PCDHGA1: variants seen among roughly 807,000 people sequenced by gnomAD.
PCDHGA1 encodes the protein protocadherin gamma-A1.
PCDHGA1 carries 32 observed loss-of-function variants against 58.0 expected under a neutral mutation model. The observed-to-expected ratio is 0.55, with a 90% CI of 0.42 to 0.74. The LOEUF (loss-of-function observed/expected upper bound fraction) is 0.74. PCDHGA1 is among the 30% of genes least tolerant of loss of function. The probability of loss-of-function intolerance (pLI) is 0.00; values close to 1 mark genes in which losing one functional copy is unlikely to be tolerated. For missense variants in PCDHGA1, 1,205 were observed against 1,182.3 expected (o/e 1.02, Z -0.28); for synonymous variants, 498 against 501.1 (o/e 0.99, Z 0.08).
chr5:141,387,132 C>T lies in PCDHGA1; in HGVS notation c.2421+54027C>T, dbSNP rs180939160. Among the ~76,000 whole-genome samples, 392 of 152,234 alleles carry T rather than the reference C, an allele frequency of 2.6e-3. 2 individuals carry two copies. The highest frequency in any genetic ancestry group is 9.3e-3 in the African/African-American group (386 of 41,528). ...TATTCCTGTAATGAAATCACTGAAA[C>T]TATTGGGAAGGGGGTGTATTTGAAG... On this transcript the variant is annotated intron_variant, in intron 1 of 3. Coordinates refer to ENST00000517417, the MANE Select transcript of PCDHGA1 (RefSeq NM_018912.3).
rs1216840918 is a variant in PCDHGA1, at chr5:141,476,285, G to C, written c.2422-18522G>C. The C allele has an allele frequency of 1.2e-6, 2 of 1,614,036 alleles. No individual in the cohort carries two copies. The highest frequency in any genetic ancestry group is 1.7e-6 in the Non-Finnish European group (2 of 1,180,032). ...CAACGTGGTCGCGAACCTTGGTTTG[G>C]ATCTCGGTAGCCTCTCAGCCCGCAG... On this transcript the variant is annotated intron_variant, in intron 1 of 3. Coordinates refer to ENST00000517417, the MANE Select transcript of PCDHGA1 (RefSeq NM_018912.3). This position sits in a 1 kb window ranked among gnomAD's most constrained non-coding sequence, Gnocchi z 7.6.
Position 141,404,436 on chromosome 5 carries a change from C to T in PCDHGA1, c.2421+71331C>T. On this transcript the variant is annotated intron_variant, in intron 1 of 3. Transcript: ENST00000517417. Reference sequence around the variant, plus strand: ...GTTATTTACTCCTTGGCAGAGGATACCATCCAAGGGTCTCCTCTCTCCACC... The same window carrying T: ...GTTATTTACTCCTTGGCAGAGGATATCATCCAAGGGTCTCCTCTCTCCACC... 1.9e-6 allele frequency: 3 copies of T among 1,612,706 alleles called. No individual in the cohort carries two copies. In the East Asian group the frequency reaches 6.7e-5, roughly 36 times the overall value.
intron 1 of PCDHGA1, among the ~76,000 whole-genome samples, chr5:141,484,138 G>A (rs184277779): frequency 6.6e-6 from 1 of 152,244 alleles, no homozygotes; most frequent in Admixed American, 6.5e-5. Context: ...TCAGATAAAG[G>A]GAATTTGTAG....
At chr5:141,478,804 G>C (rs765938054) in intron 1 of PCDHGA1, 48 of 1,462,396 alleles carry the variant, frequency 3.3e-5, no homozygotes, top group Non-Finnish European at 4.1e-5. Context: ...GCACTCTTTT[G>C]CTATCACAAC....
chr5:141,357,058 G>T (rs1167854077), intron 1 of PCDHGA1: 3 of 1,613,880 alleles, frequency 1.9e-6, no homozygotes, highest in South Asian at 2.2e-5. Context: ...ATTTGCAGTG[G>T]GGCTGCACAC....
chr5:141,483,814 C>A (rs1262593892), intron 1 of PCDHGA1, among the ~76,000 whole-genome samples: 4 of 151,994 alleles, frequency 2.6e-5, no homozygotes, highest in African/African-American at 9.7e-5. Flanking sequence ...TTTTTGGCAG[C>A]CAGTGTAACC....
At chr5:141,390,538 C>T (rs1371210436) in intron 1 of PCDHGA1, 1 of 518,192 alleles carries the variant, frequency 1.9e-6, no homozygotes, top group Non-Finnish European at 3.4e-6. Context: ...GTTTTAACCA[C>T]AAAGTGAAAG....
rs1756403114 is a variant in PCDHGA1 at position 141,332,359 on chromosome 5, G to C, written c.1675G>C (p.Ala559Pro). The change falls in exon 1 of 4, where the codon GCG becomes CCG. Residue 559 changes from alanine to proline, a missense_variant. Ala to Pro is a conservative substitution (Grantham distance 27, BLOSUM62 -1). Transcript: ENST00000517417. This position sits in a 1 kb window ranked among gnomAD's most constrained non-coding sequence, Gnocchi z 4.6. ...ATTCCTGCTGGACCAGAACGACAAC[G>C]CGCCCGAGATCCTGTACCCCGCCCT... ...SLFLLDQNDN[A>P]PEILYPALPT... 1 of 1,614,180 alleles carries C rather than the reference G, an allele frequency of 6.2e-7. No homozygotes were observed. The highest frequency in any genetic ancestry group is 8.5e-7 in the Non-Finnish European group (1 of 1,180,044).
At chr5:141,357,153 G>A in intron 1 of PCDHGA1, 2 of 1,613,624 alleles carry the variant, frequency 1.2e-6, no homozygotes, top group South Asian at 1.1e-5. Flanking sequence ...ACCATGGCCA[G>A]CCCCCTCTCT....
At chr5:141,426,334 C>T (rs551131722) in intron 1 of PCDHGA1, 1 of 186,734 alleles carries the variant, frequency 5.4e-6, no homozygotes, top group South Asian at 1.1e-4. Flanking sequence ...GTGGCAAGCA[C>T]TCTTCCCTTT....
chr5:141,370,836 A>G, intron 1 of PCDHGA1: 1 of 1,614,018 alleles, frequency 6.2e-7, no homozygotes, highest in Non-Finnish European at 8.5e-7. Context: ...ACTGGCTCTC[A>G]CTGGAGCCAC....
At chr5:141,464,862 C>T (rs1166573359) in intron 1 of PCDHGA1, among the ~76,000 whole-genome samples, 1 of 152,076 alleles carries the variant, frequency 6.6e-6, no homozygotes, top group African/African-American at 2.4e-5. Context: ...CCTTAGCCTC[C>T]CAAGTAGCTA....
At chr5:141,360,268 T>C in intron 1 of PCDHGA1, 1 of 1,613,792 alleles carries the variant, frequency 6.2e-7, no homozygotes, top group Non-Finnish European at 8.5e-7. Context: ...GGCCAAAAAC[T>C]CGGTCGTAGG....
At chr5:141,400,036 C>G (rs1232257433) in intron 1 of PCDHGA1, 28 of 1,613,256 alleles carry the variant, frequency 1.7e-5, no homozygotes, top group Non-Finnish European at 2.4e-5. Context: ...GGCCCGCCAG[C>G]GCCTGCTGGT....
At chr5:141,371,513 T>C (rs1470036501) in intron 1 of PCDHGA1, 5 of 1,613,818 alleles carry the variant, frequency 3.1e-6, no homozygotes, top group Non-Finnish European at 4.2e-6. Flanking sequence ...AAACACATGA[T>C]CTAGATTCTG....
intron 1 of PCDHGA1, chr5:141,362,081 G>A: frequency 6.2e-7 from 1 of 1,613,190 alleles, no homozygotes; most frequent in Non-Finnish European, 8.5e-7. Flanking sequence ...GTGCGTGATG[G>A]AGGACAGCCG....
Position 141,486,487 on chromosome 5 carries a change from C to G in PCDHGA1, c.2422-8320C>G. The G allele has an allele frequency of 6.2e-7, 1 of 1,614,086 alleles. No homozygotes were observed. The highest frequency in any genetic ancestry group is 1.1e-5 in the South Asian group (1 of 91,074). ...CTGGGAACCCTCCTCTCAGTACCCA[C>G]AGAACTATTTTCCTCAATATTTCAG... On this transcript the variant is annotated intron_variant, in intron 1 of 3. Coordinates refer to ENST00000517417, the MANE Select transcript of PCDHGA1 (RefSeq NM_018912.3). This position sits in a 1 kb window ranked among gnomAD's most constrained non-coding sequence, Gnocchi z 5.0.
chr5:141,400,333 C>T (rs538201613), intron 1 of PCDHGA1: 2 of 1,614,032 alleles, frequency 1.2e-6, no homozygotes, highest in East Asian at 2.2e-5. Context: ...ACCTGTGGTT[C>T]CCCCCAACTA....
Position 141,475,871 on chromosome 5 carries a change from A to C in PCDHGA1, c.2422-18936A>C, listed in dbSNP as rs568810142. 35 of 513,270 alleles carry C rather than the reference A, an allele frequency of 6.8e-5. No individual in the cohort carries two copies. The East Asian group carries it at 1.1e-3, about 16-fold the overall frequency. The allele number at this position is 513,270 out of a possible 1,614,324, so 31.8% of individuals were successfully genotyped here. The stretch of plus-strand genomic sequence containing the variant: ...CCCGGCGCTAGCTCATTCTTCGTGC[A>C]GTTATTGGCTGGGACTCTGTGTGCC... On this transcript the variant is annotated intron_variant, in intron 1 of 3. Transcript: ENST00000517417.
Sources: gnomAD v4.1 joint callset for allele counts (sites outside exome capture counted in the v4.1 genomes callset) on GRCh38, gnomAD v4.1.1 for gene constraint, Gnocchi (gnomAD v3.1) non-coding constraint, MANE v1.5 for transcripts, NCBI Gene and HGNC (gene_info 2026-07-23, HGNC 2026-07-21) for gene names.